The following KLHL1 variants were observed in gnomAD, a reference collection of about 807,000 sequenced individuals.
The protein encoded by KLHL1 is kelch-like protein 1.
A neutral mutation model predicts 77.7 loss-of-function variants in KLHL1; 47 were observed. The observed-to-expected ratio is 0.60, with a 90% CI of 0.48 to 0.77. The LOEUF is 0.77. Among genes scored for constraint, KLHL1 ranks in the 30% least tolerant of loss-of-function variants. The pLI, the probability that KLHL1 is intolerant of heterozygous loss-of-function variation, is 0.00. For synonymous variants in KLHL1, 360 were observed against 325.2 expected, an observed-to-expected ratio of 1.11 and a Z score of -1.15; for missense variants, 925 against 910.8, an observed-to-expected ratio of 1.02 and a Z score of -0.20.
intron 3 of KLHL1, among the ~76,000 whole-genome samples, chr13:69,956,652 T>C (rs1392005970): frequency 1.3e-5 from 2 of 151,504 alleles, no homozygotes; most frequent in African/African-American, 4.8e-5. Context: ...CCTATTCCAG[T>C]AACAGAGTCA....
chr13:69,847,811 A>G (rs1489548294), intron 5 of KLHL1, among the ~76,000 whole-genome samples: 1 of 151,294 alleles, frequency 6.6e-6, no homozygotes, highest in Non-Finnish European at 1.5e-5. Flanking sequence ...CTTAGAGAAT[A>G]AATGACAGTT....
chr13:70,106,029 T>A (rs969601729), intron 1 of KLHL1, among the ~76,000 whole-genome samples: 29 of 151,022 alleles, frequency 1.9e-4, no homozygotes, highest in African/African-American at 7.0e-4. Flanking sequence ...AGGATATTTT[T>A]AAATCTATAA....
At chr13:70,084,877 A>C (rs1468079469) in intron 1 of KLHL1, among the ~76,000 whole-genome samples, 1 of 152,014 alleles carries the variant, frequency 6.6e-6, no homozygotes, top group South Asian at 2.1e-4. Flanking sequence ...TAATGAATGT[A>C]ATATTCTTAA....
At chr13:69,732,212 A>G (rs1873579586) in intron 8 of KLHL1, among the ~76,000 whole-genome samples, 1 of 152,190 alleles carries the variant, frequency 6.6e-6, no homozygotes, top group Non-Finnish European at 1.5e-5. Flanking sequence ...TGGCAAAGAA[A>G]TCAGTCTTAA....
At chr13:69,908,448 C>T (rs1332305212) in intron 4 of KLHL1, among the ~76,000 whole-genome samples, 1 of 150,062 alleles carries the variant, frequency 6.7e-6, no homozygotes, top group Non-Finnish European at 1.5e-5. Flanking sequence ...CTCAAACTAA[C>T]ATTCAAATAG....
intron 1 of KLHL1, among the ~76,000 whole-genome samples, chr13:70,023,946 A>G (rs187612229): frequency 9.9e-5 from 15 of 152,068 alleles, no homozygotes; most frequent in Admixed American, 1.3e-4. Flanking sequence ...TGACTCCATT[A>G]GAAACGTATA....
At chr13:70,090,972 T>A (rs60195311) in intron 1 of KLHL1, among the ~76,000 whole-genome samples, 5 of 151,994 alleles carry the variant, frequency 3.3e-5, no homozygotes, top group Admixed American at 6.5e-5. Context: ...TCACATTACT[T>A]CTTCCTTTCT....
chr13:69,851,776 TG>T (rs1404689905), intron 5 of KLHL1, among the ~76,000 whole-genome samples: 1 of 151,806 alleles, frequency 6.6e-6, no homozygotes, highest in African/African-American at 2.4e-5. Context: ...AGTAAGTTTC[TG>T]GATCATCCTT....
intron 10 of KLHL1, among the ~76,000 whole-genome samples, chr13:69,707,157 C>G (rs1298428847): frequency 1.3e-5 from 2 of 151,936 alleles, no homozygotes; most frequent in African/African-American, 4.8e-5. Flanking sequence ...GGGATTACTA[C>G]TTGGACTTTC....
At chr13:70,058,773 A>G (rs1051769822) in intron 1 of KLHL1, among the ~76,000 whole-genome samples, 1 of 152,202 alleles carries the variant, frequency 6.6e-6, no homozygotes, top group African/African-American at 2.4e-5. Context: ...GGCAAAAAGA[A>G]CAAAACTGGA....
At chr13:69,731,675 G>GTAGCTA (rs1873548522) in intron 8 of KLHL1, among the ~76,000 whole-genome samples, 1 of 152,102 alleles carries the variant, frequency 6.6e-6, no homozygotes, top group Non-Finnish European at 1.5e-5. Flanking sequence ...GAATTGACAA[G>GTAGCTA]TAGCTATTTG....
intron 4 of KLHL1, among the ~76,000 whole-genome samples, chr13:69,886,292 G>A (rs544197795): frequency 8.6e-5 from 13 of 151,900 alleles, no homozygotes; most frequent in South Asian, 4.1e-4. Flanking sequence ...TATTTACTAC[G>A]ACTACTTCAT....
At chr13:69,763,766 T>C (rs1341252041) in intron 7 of KLHL1, among the ~76,000 whole-genome samples, 1 of 152,198 alleles carries the variant, frequency 6.6e-6, no homozygotes, top group Non-Finnish European at 1.5e-5. Flanking sequence ...CAAATTAAAA[T>C]GGAGTCACTA....
At chr13:70,073,012 A>G (rs1231754144) in intron 1 of KLHL1, among the ~76,000 whole-genome samples, 1 of 152,170 alleles carries the variant, frequency 6.6e-6, no homozygotes, top group Non-Finnish European at 1.5e-5. Context: ...TGATTCCTCA[A>G]GGATCTAGAA....
At chr13:69,939,561 T>C (rs1268148575) in intron 4 of KLHL1, among the ~76,000 whole-genome samples, 1 of 151,868 alleles carries the variant, frequency 6.6e-6, no homozygotes, top group Non-Finnish European at 1.5e-5. Context: ...CAAAGGTAGA[T>C]ATGCCTGGGG....
intron 1 of KLHL1, among the ~76,000 whole-genome samples, chr13:69,997,128 T>C (rs536022591): frequency 2.8e-4 from 43 of 151,246 alleles, no homozygotes; most frequent in Non-Finnish European, 6.0e-4. Flanking sequence ...GATTGAGGCA[T>C]GAGAATCACT....
At chr13:69,906,518 T>C (rs948082211) in intron 4 of KLHL1, among the ~76,000 whole-genome samples, 3 of 152,008 alleles carry the variant, frequency 2.0e-5, no homozygotes, top group African/African-American at 7.2e-5. Flanking sequence ...GAGTGTTTTC[T>C]TTAATTCTGC....
intron 6 of KLHL1, among the ~76,000 whole-genome samples, chr13:69,837,561 A>AAAT (rs140279493): frequency 0.065 from 9,489 of 145,294 alleles, 611 homozygotes; most frequent in African/African-American, 0.17. Context: ...ATTTGTATAT[A>AAAT]AATATGTATA....
At chr13:69,868,777 G>C (rs1440035604) in intron 5 of KLHL1, among the ~76,000 whole-genome samples, 1 of 151,934 alleles carries the variant, frequency 6.6e-6, no homozygotes, top group East Asian at 1.9e-4. Flanking sequence ...TTTAGAGTTT[G>C]GATTTTCAAA....
Sources: gnomAD v4.1 joint callset for allele counts (sites outside exome capture counted in the v4.1 genomes callset) on GRCh38, gnomAD v4.1.1 for gene constraint, MANE v1.5 for transcripts, NCBI Gene and HGNC (gene_info 2026-07-23, HGNC 2026-07-21) for gene names.